Variants in TPM4 observed in about 807,000 individuals in gnomAD.
The protein encoded by TPM4 is tropomyosin 4.
A neutral mutation model predicts 35.8 loss-of-function variants in TPM4; 17 were observed. That is an observed-to-expected ratio of 0.47 (90% CI 0.32 to 0.71). The LOEUF (loss-of-function observed/expected upper bound fraction) is 0.71. Among genes scored for constraint, TPM4 ranks in the 30% least tolerant of loss-of-function variants. TPM4 has a pLI of 0.03. For synonymous variants in TPM4, 120 were observed against 122.9 expected (o/e 0.98, Z 0.15); for missense variants, 240 against 320.9 (o/e 0.75, Z 1.93).
intron 5 of TPM4, chr19:16,093,202 G>T (rs530415692): frequency 2.0e-5 from 4 of 198,084 alleles, no homozygotes; most frequent in Non-Finnish European, 3.1e-5. Flanking sequence ...TGTTGTTGTT[G>T]TTTGTTTTTT....
At chr19:16,074,064 G>A (rs534971315), upstream of TPM4, among the ~76,000 whole-genome samples, 69 of 150,838 alleles carry the variant, frequency 4.6e-4, no homozygotes, top group Middle Eastern at 0.014. Context: ...GGGGCACCTG[G>A]TACATTTTGC....
In TPM4 at chr19:16,088,063, G is replaced by C. The variant is rs1455539485; in HGVS notation, c.421G>C (p.Glu141Gln). The C allele has an allele frequency of 1.2e-6, 2 of 1,612,698 alleles. No individual in the cohort carries two copies. The highest frequency in any genetic ancestry group is 8.5e-7 in the Non-Finnish European group (1 of 1,179,688). The change falls in exon 4 of 8, where the codon GAG becomes CAG. Residue 141 changes from glutamate (E) to glutamine (Q), a missense_variant. By Grantham distance (29) the Glu-to-Gln change is conservative (BLOSUM62 2). Coordinates refer to ENST00000643579, the MANE Select transcript of TPM4 (RefSeq NM_003290.3). ...RKLVILEGEL[E>Q]RAEERAEVSE... ...GCTGGTCATCCTGGAGGGTGAGCTG[G>C]AGAGGGCAGAGGAGCGTGCGGAGGT...
chr19:16,099,279 G>A (rs535882003), intron 7 of TPM4, among the ~76,000 whole-genome samples: 2 of 151,562 alleles, frequency 1.3e-5, no homozygotes, highest in South Asian at 2.1e-4. Context: ...ATGGGGTTTC[G>A]CCATGTTGGC....
intron 5 of TPM4, 55 bp downstream of exon 5, chr19:16,089,175 TC>T: frequency 6.2e-7 from 1 of 1,606,892 alleles, no homozygotes; most frequent in Non-Finnish European, 8.5e-7. Context: ...TCTTTTCTTC[TC>T]CCGAGGGATG....
intron 1 of TPM4, chr19:16,080,817 A>T (rs2090473772): frequency 2.6e-6 from 1 of 380,008 alleles, no homozygotes; most frequent in Non-Finnish European, 4.7e-6. Flanking sequence ...TCAAAAAAAA[A>T]ATTAAAAAGA....
chr19:16,081,376 C>A, intron 1 of TPM4: 1 of 287,058 alleles, frequency 3.5e-6, no homozygotes, highest in Non-Finnish European at 6.4e-6. Flanking sequence ...CTCAACTACC[C>A]ATCTTGTACT....
At chr19:16,075,845 C>G, upstream of TPM4, 1 of 761,942 alleles carries the variant, frequency 1.3e-6, no homozygotes, top group Non-Finnish European at 2.0e-6. Flanking sequence ...GTCCTCAGGA[C>G]GAGGGAAAGA....
intron 1 of TPM4, among the ~76,000 whole-genome samples, chr19:16,078,560 T>A (rs1460797796): frequency 1.3e-5 from 2 of 152,212 alleles, no homozygotes; most frequent in African/African-American, 2.4e-5. Flanking sequence ...CGGTCTGGCC[T>A]CTTTCTCACA....
chr19:16,067,589 C>A lies in TPM4; in HGVS notation c.-36C>A. ...ACTGCCGCAGCCCCCACAGAGCCCG[C>A]CGCGCACCCCACGTCCCCCACGCCA... On this transcript the variant is annotated 5_prime_UTR_variant, in exon 2 of 3. Transcript: ENST00000589897. The surrounding 1 kb of genome is among the most constrained non-coding windows in gnomAD (Gnocchi z 4.1). 6.3e-7 allele frequency: 1 copy of A among 1,593,714 alleles called. No homozygotes were observed.
At position 16,101,458 on chromosome 19, in the gene TPM4, A is replaced by C. The variant is rs1308112521; in HGVS notation, c.*112A>C. On this transcript the variant is annotated 3_prime_UTR_variant, in exon 8 of 8. Coordinates refer to ENST00000643579, the MANE Select transcript of TPM4 (RefSeq NM_003290.3). ...CCATCTTCGCTTTGCTGGAAATGTCAAGCAAATTATGAATACATGACCAAA... is the reference window on the plus strand; with the variant it reads ...CCATCTTCGCTTTGCTGGAAATGTCCAGCAAATTATGAATACATGACCAAA... The C allele has an allele frequency of 4.0e-6, 3 of 752,508 alleles. No individual in the cohort carries two copies. Among genetic ancestry groups the C allele is most frequent in the Non-Finnish European group, 4.1e-6 (2 of 490,152 alleles). The allele number at this position is 752,508 out of a possible 1,614,324, so 46.6% of individuals were successfully genotyped here.
upstream of TPM4, among the ~76,000 whole-genome samples, chr19:16,073,847 CGGGA>C (rs904821240): frequency 1.4e-5 from 2 of 139,948 alleles, no homozygotes; most frequent in African/African-American, 5.3e-5. Flanking sequence ...GAGGCTGAGG[CGGGA>C]GGATCGCTTG....
intron 1 of TPM4, among the ~76,000 whole-genome samples, chr19:16,078,726 T>C (rs892660540): frequency 7.9e-5 from 12 of 151,490 alleles, no homozygotes; most frequent in African/African-American, 2.4e-4. Context: ...TGAAGACTTC[T>C]TGAAAAAGTT....
At chr19:16,099,924 C>G (rs995889943) in intron 7 of TPM4, 5 of 152,142 alleles carry the variant, frequency 3.3e-5, no homozygotes, top group Non-Finnish European at 7.3e-5. Flanking sequence ...TAGACAGTTA[C>G]ACAATTATGT....
intron 5 of TPM4, among the ~76,000 whole-genome samples, chr19:16,092,834 C>T (rs546390143): frequency 6.6e-6 from 1 of 151,428 alleles, no homozygotes; most frequent in Admixed American, 6.6e-5. Context: ...CCGTGCCTGG[C>T]CTGCTTACTT....
rs765966408 is a variant in TPM4 at position 16,067,717 on chromosome 19, C to T, written c.93C>T (p.Ala31=). The T allele has an allele frequency of 6.2e-7, 1 of 1,613,108 alleles. No homozygotes were observed. Among genetic ancestry groups the T allele is most frequent in the Admixed American group, 1.7e-5 (1 of 59,956 alleles). ...AGCAGGCGGAGGCGGATAAGAAAGC[C>T]GCTGAGGACAAGTGCAAGCAGGTGA... Residue 31 remains alanine (A), a synonymous_variant, in exon 2 of 3, where the codon GCC becomes GCT. Transcript: ENST00000589897. This position sits in a 1 kb window ranked among gnomAD's most constrained non-coding sequence, Gnocchi z 4.1.
At chr19:16,076,983 T>G in intron 1 of TPM4, 1 of 431,364 alleles carries the variant, frequency 2.3e-6, no homozygotes, top group Non-Finnish European at 3.5e-6. Flanking sequence ...GTGAGCGATC[T>G]CCGGGTGGAG....
At position 16,089,079 on chromosome 19, in the gene TPM4, G is replaced by A; in HGVS notation, c.490G>A (p.Val164Ile). Residue 164 changes from valine to isoleucine, a missense_variant, in exon 5 of 8, where the codon GTT becomes ATT. Transcript: ENST00000643579. ...CGDLEEELKN[V>I]TNNLKSLEAA... ...TGACCTGGAAGAAGAACTCAAGAAT[G>A]TTACTAACAATCTGAAATCTCTGGA... is the stretch of plus-strand genomic sequence containing the variant. 4 of 1,614,104 alleles carry A rather than the reference G, an allele frequency of 2.5e-6. No homozygotes were observed. The highest frequency in any genetic ancestry group is 3.4e-6 in the Non-Finnish European group (4 of 1,180,010).
Position 16,101,337 on chromosome 19 carries a change from C to T in TPM4, c.738C>T (p.Asn246=), listed in dbSNP as rs759787224. ...TGGATCAGACACTAAACGAACTTAA[C>T]TGTATATAAGCAAAACAGAAGAGTC... ...QTLDQTLNEL[N]CI The change falls in exon 8 of 8, where the codon AAC becomes AAT. Residue 246 remains asparagine (N), a synonymous_variant. Transcript: ENST00000643579. 6 of 1,600,106 alleles carry T rather than the reference C, an allele frequency of 3.7e-6. No homozygotes were observed. Among genetic ancestry groups the T allele is most frequent in the Non-Finnish European group, 5.1e-6 (6 of 1,173,942 alleles).
intron 5 of TPM4, 131 bp downstream of exon 5, chr19:16,089,251 CA>C (rs1182835439): frequency 1.7e-6 from 2 of 1,197,536 alleles, no homozygotes; most frequent in Non-Finnish European, 2.4e-6. Flanking sequence ...GCCTGGCAGC[CA>C]GGGTTTTTCC....
Sources: gnomAD v4.1 joint callset for allele counts (sites outside exome capture counted in the v4.1 genomes callset) on GRCh38, gnomAD v4.1.1 for gene constraint, Gnocchi (gnomAD v3.1) non-coding constraint, MANE v1.5 for transcripts, NCBI Gene and HGNC (gene_info 2026-07-23, HGNC 2026-07-21) for gene names.